The following CORIN variants were observed in gnomAD, a reference collection of about 807,000 sequenced individuals.
CORIN encodes the protein atrial natriuretic peptide-converting enzyme.
In CORIN, 117 loss-of-function variants were observed where a neutral mutation model predicts 125.3. That is an observed-to-expected ratio of 0.93 (90% confidence interval 0.80 to 1.09). The LOEUF (loss-of-function observed/expected upper bound fraction) is 1.09. CORIN is among the 50% of genes least tolerant of loss of function. The pLI, the probability that CORIN is intolerant of heterozygous loss-of-function variation, is 0.00. For synonymous variants in CORIN, 450 were observed against 466.4 expected (o/e 0.96, Z 0.45); for missense variants, 1,253 against 1,306.7 (o/e 0.96, Z 0.63).
At chr4:47,702,337 TA>T (rs1487056980) in intron 5 of CORIN, among the ~76,000 whole-genome samples, 1 of 152,190 alleles carries the variant, frequency 6.6e-6, no homozygotes, top group Non-Finnish European at 1.5e-5. Context: ...ATAAAGGAGA[TA>T]AATTTTATTT....
intron 5 of CORIN, among the ~76,000 whole-genome samples, chr4:47,744,068 C>A (rs2109836460): frequency 6.6e-6 from 1 of 152,272 alleles, no homozygotes; most frequent in East Asian, 1.9e-4. Flanking sequence ...TAATTAATTT[C>A]TTGAACATAA....
intron 19 of CORIN, among the ~76,000 whole-genome samples, chr4:47,618,888 A>G (rs1722190653): frequency 6.6e-6 from 1 of 152,132 alleles, no homozygotes; most frequent in Non-Finnish European, 1.5e-5. Context: ...ACTAGGGCAG[A>G]AAGTGCAGCC....
intron 1 of CORIN, among the ~76,000 whole-genome samples, chr4:47,812,491 C>T (rs540124083): frequency 2.0e-5 from 3 of 152,142 alleles, no homozygotes; most frequent in South Asian, 4.2e-4. Flanking sequence ...GGAGACAGAA[C>T]GAGACCCTGG....
intron 5 of CORIN, among the ~76,000 whole-genome samples, chr4:47,694,918 G>A (rs1313841189): frequency 6.6e-6 from 1 of 152,154 alleles, no homozygotes; most frequent in African/African-American, 2.4e-5. Flanking sequence ...TCAACTCATT[G>A]AACATTAAGC....
chr4:47,619,239 G>T (rs1354759027), intron 19 of CORIN, among the ~76,000 whole-genome samples: 1 of 152,090 alleles, frequency 6.6e-6, no homozygotes, highest in East Asian at 1.9e-4. Context: ...TTTCATTTGG[G>T]ATTTTTATCT....
At chr4:47,682,144 G>C (rs1005477964) in intron 7 of CORIN, 2 of 152,464 alleles carry the variant, frequency 1.3e-5, no homozygotes, top group Non-Finnish European at 2.9e-5. Flanking sequence ...TGGAGGAGGA[G>C]GGACAAAGAG....
chr4:47,744,353 C>T (rs1439715093), intron 5 of CORIN, 49 bp downstream of exon 5: 10 of 1,502,436 alleles, frequency 6.7e-6, no homozygotes, highest in Non-Finnish European at 8.3e-6. Flanking sequence ...GTATAAATGG[C>T]ATACTCAAAT....
At chr4:47,654,534 T>C (rs1180773008) in intron 12 of CORIN, among the ~76,000 whole-genome samples, 2 of 152,134 alleles carry the variant, frequency 1.3e-5, no homozygotes, top group African/African-American at 4.8e-5. Flanking sequence ...TGTGGGACTT[T>C]GCATTGGAAC....
At chr4:47,608,321 C>T (rs886645162) in intron 19 of CORIN, among the ~76,000 whole-genome samples, 1 of 150,784 alleles carries the variant, frequency 6.6e-6, no homozygotes, top group African/African-American at 2.4e-5. Context: ...ACTCCATCGC[C>T]AAAGAAAAAA....
In CORIN at chr4:47,649,677, G is replaced by A. The variant is rs559837243; in HGVS notation, c.1843+3876C>T. On this transcript the variant is annotated intron_variant, in intron 13 of 21. Transcript: ENST00000273857. ...GATGTAAATTCAAGTCTAAGTCTAC[G>A]CAGGACACTCTGCCATTCCAGCCTG... is the stretch of plus-strand genomic sequence containing the variant. Among the ~76,000 whole-genome samples the A allele has an allele frequency of 4.6e-5, 7 of 152,288 alleles. No homozygotes were observed. The East Asian group carries it at 5.8e-4, about 13-fold the overall frequency.
At chr4:47,639,293 C>A (rs1007585426) in intron 16 of CORIN, among the ~76,000 whole-genome samples, 1 of 152,110 alleles carries the variant, frequency 6.6e-6, no homozygotes, top group East Asian at 1.9e-4. Flanking sequence ...ATGCCATGTT[C>A]TATGCAATAA....
At chr4:47,629,149 C>T (rs928846359) in intron 16 of CORIN, among the ~76,000 whole-genome samples, 1 of 152,168 alleles carries the variant, frequency 6.6e-6, no homozygotes, top group Non-Finnish European at 1.5e-5. Flanking sequence ...TACCAATTAA[C>T]ATTTCTACCA....
intron 5 of CORIN, among the ~76,000 whole-genome samples, chr4:47,726,401 T>C (rs1268046317): frequency 1.3e-5 from 2 of 152,074 alleles, no homozygotes; most frequent in African/African-American, 4.8e-5. Context: ...TGTAACAACA[T>C]GGATGAATAT....
At chr4:47,757,876 ATG>A (rs1289182548) in intron 4 of CORIN, among the ~76,000 whole-genome samples, 8 of 113,836 alleles carry the variant, frequency 7.0e-5, no homozygotes, top group East Asian at 2.4e-4. Context: ...ACATATATAT[ATG>A]TATATATATA....
Position 47,661,047 on chromosome 4 carries a change from G to A in CORIN, c.1735+664C>T, listed in dbSNP as rs1462418246. Among the ~76,000 whole-genome samples, 6 of 152,254 alleles carry A rather than the reference G, an allele frequency of 3.9e-5. No homozygotes were observed. In the East Asian group the frequency reaches 7.7e-4, roughly 20 times the overall value. On this transcript the variant is annotated intron_variant, in intron 12 of 21. Coordinates refer to ENST00000273857, the MANE Select transcript of CORIN (RefSeq NM_006587.4). Reference sequence around the variant, plus strand: ...TGCAACAACAAGGATAAAAGAAGACGTCATTATGTTACCTGAAATAAGCCA... The same window carrying A: ...TGCAACAACAAGGATAAAAGAAGACATCATTATGTTACCTGAAATAAGCCA...
chr4:47,834,839 T>A (rs1327849072), intron 1 of CORIN, among the ~76,000 whole-genome samples: 2 of 152,222 alleles, frequency 1.3e-5, no homozygotes, highest in African/African-American at 4.8e-5. Context: ...CACTATTACA[T>A]AAAGTACTTC....
intron 2 of CORIN, among the ~76,000 whole-genome samples, chr4:47,795,174 A>G (rs1272574034): frequency 6.6e-6 from 1 of 151,998 alleles, no homozygotes; most frequent in Non-Finnish European, 1.5e-5. Context: ...CTAGTGCTAT[A>G]CTGCTTTGAT....
rs769181782 is a variant in CORIN at position 47,641,877 on chromosome 4, G to T, written c.2198+43C>A. ...AGATATTACTGCCAAGTTCCACAAA[G>T]CCTTCTGAGAAATTCATCAGTGCTA... On this transcript the variant is annotated intron_variant, in intron 16 of 21. Transcript: ENST00000273857. 4.4e-6 allele frequency: 7 copies of T among 1,596,328 alleles called. No homozygotes were observed. The African/African-American group carries it at 9.4e-5, about 21-fold the overall frequency.
intron 1 of CORIN, chr4:47,831,266 A>G (rs1247399895): frequency 1.3e-5 from 2 of 152,348 alleles, no homozygotes; most frequent in Non-Finnish European, 2.9e-5. Flanking sequence ...AGCTGCTGTA[A>G]GGTGAGCTGA....
Sources: gnomAD v4.1 joint callset for allele counts (sites outside exome capture counted in the v4.1 genomes callset) on GRCh38, gnomAD v4.1.1 for gene constraint, MANE v1.5 for transcripts, NCBI Gene and HGNC (gene_info 2026-07-23, HGNC 2026-07-21) for gene names.